The following KIFC3 variants were observed in gnomAD, a reference collection of about 807,000 sequenced individuals.
The protein encoded by KIFC3 is kinesin-like protein KIFC3.
In KIFC3, 60 loss-of-function variants were observed where a neutral mutation model predicts 101.8. That is an observed-to-expected ratio of 0.59 (90% CI 0.48 to 0.73). The LOEUF is 0.73. Ranked by LOEUF, KIFC3 falls within the 30% of genes least tolerant of loss-of-function variation. KIFC3 has a pLI of 0.00. For missense variants in KIFC3, 966 were observed against 1,137.1 expected, an observed-to-expected ratio of 0.85 and a Z score of 2.16; for synonymous variants, 476 against 482.7, an observed-to-expected ratio of 0.99 and a Z score of 0.18.
At chr16:57,773,367 C>T (rs2051543156) in intron 3 of KIFC3, among the ~76,000 whole-genome samples, 1 of 152,196 alleles carries the variant, frequency 6.6e-6, no homozygotes, top group East Asian at 1.9e-4. Context: ...TTTAAGAAGG[C>T]GGCCACCACG....
At chr16:57,855,119 C>CTTTTTT (rs1229988962) in intron 1 of KIFC3, among the ~76,000 whole-genome samples, 7 of 105,064 alleles carry the variant, frequency 6.7e-5, no homozygotes, top group Admixed American at 3.2e-4. Flanking sequence ...CCATTTCTTT[C>CTTTTTT]TTTTTTTTTT....
chr16:57,790,081 T>TCTTTCTTTC (rs1555619718), intron 3 of KIFC3, among the ~76,000 whole-genome samples: 44 of 116,424 alleles, frequency 3.8e-4, no homozygotes, highest in Admixed American at 7.5e-4. Flanking sequence ...TTTCTTTCTT[T>TCTTTCTTTC]TTTTTTTTTT....
chr16:57,797,698 C>CA, intron 2 of KIFC3: 3 of 1,142,574 alleles, frequency 2.6e-6, no homozygotes, highest in Non-Finnish European at 3.2e-6. Flanking sequence ...GCAGCCACTT[C>CA]ACCTACCTTG....
chr16:57,828,000 T>C (rs1460434156), intron 1 of KIFC3, among the ~76,000 whole-genome samples: 2 of 152,228 alleles, frequency 1.3e-5, no homozygotes, highest in Admixed American at 6.5e-5. Context: ...GTGAAGAAAC[T>C]GAGGCACAGA....
At chr16:57,782,327 G>A (rs1470364341) in intron 3 of KIFC3, 1 of 181,620 alleles carries the variant, frequency 5.5e-6, no homozygotes, top group Non-Finnish European at 1.1e-5. Context: ...ATAGAATCCT[G>A]CTCACGGGAT....
intron 3 of KIFC3, among the ~76,000 whole-genome samples, chr16:57,780,577 T>TAAA (rs146565638): frequency 2.1e-5 from 3 of 140,182 alleles, no homozygotes; most frequent in African/African-American, 5.2e-5. Flanking sequence ...TTAAAATGAT[T>TAAA]TAAAAAAAAA....
chr16:57,785,723 A>T, intron 3 of KIFC3: 1 of 1,075,794 alleles, frequency 9.3e-7, no homozygotes, highest in South Asian at 1.6e-5. Flanking sequence ...CTGGCAGAGG[A>T]GGGGGTCCAT....
intron 1 of KIFC3, among the ~76,000 whole-genome samples, chr16:57,847,674 C>T (rs990464591): frequency 2.0e-5 from 3 of 151,630 alleles, no homozygotes; most frequent in Non-Finnish European, 1.5e-5. Flanking sequence ...GATATAAATG[C>T]GTAAGAGAAC....
chr16:57,822,920 G>T (rs2055381307), intron 1 of KIFC3, among the ~76,000 whole-genome samples: 1 of 150,846 alleles, frequency 6.6e-6, no homozygotes, highest in South Asian at 2.1e-4. Flanking sequence ...TGTGATCATT[G>T]TATATTGGTT....
chr16:57,832,321 CTTTTTTTTTTTTTT>C (rs1165977084), intron 1 of KIFC3, among the ~76,000 whole-genome samples: 1 of 73,494 alleles, frequency 1.4e-5, no homozygotes, highest in Admixed American at 1.9e-4. Context: ...GCGCCAGGCC[CTTTTTTTTTTTTTT>C]TTTTTTTTTT....
chr16:57,830,238 T>C (rs1216251304), intron 1 of KIFC3, among the ~76,000 whole-genome samples: 2 of 135,876 alleles, frequency 1.5e-5, no homozygotes, highest in Non-Finnish European at 3.1e-5. Context: ...TTTTCTTTCT[T>C]TTTTTTTTTT....
intron 1 of KIFC3, among the ~76,000 whole-genome samples, chr16:57,808,572 A>T (rs538377887): frequency 3.5e-4 from 53 of 152,180 alleles, no homozygotes; most frequent in Non-Finnish European, 4.0e-4. Context: ...TTCTGCACAA[A>T]TCTAATAGAA....
At chr16:57,787,725 TG>T (rs1360041341) in intron 3 of KIFC3, among the ~76,000 whole-genome samples, 5 of 152,118 alleles carry the variant, frequency 3.3e-5, no homozygotes, top group Non-Finnish European at 7.4e-5. Flanking sequence ...GAGGCTGGCC[TG>T]CCCACACTCA....
chr16:57,794,977 C>T (rs981145560), intron 3 of KIFC3, 22 bp downstream of exon 3: 12 of 1,530,792 alleles, frequency 7.8e-6, no homozygotes, highest in Non-Finnish European at 1.0e-5. Flanking sequence ...GCACATGCAG[C>T]CTGGAAGGCC....
At chr16:57,809,666 A>C (rs2055020025) in intron 1 of KIFC3, among the ~76,000 whole-genome samples, 2 of 152,198 alleles carry the variant, frequency 1.3e-5, no homozygotes, top group African/African-American at 2.4e-5. Flanking sequence ...TTTCATAAAA[A>C]ATCTTTCTGA....
At chr16:57,853,079 T>C (rs2056090849) in intron 1 of KIFC3, among the ~76,000 whole-genome samples, 3 of 152,018 alleles carry the variant, frequency 2.0e-5, no homozygotes, top group Admixed American at 6.6e-5. Flanking sequence ...AAATAAGAAA[T>C]ATAATCAAAA....
chr16:57,803,034 C>T, upstream of KIFC3: 1 of 1,535,894 alleles, frequency 6.5e-7, no homozygotes, highest in Non-Finnish European at 8.7e-7. Flanking sequence ...GTTTACAGCG[C>T]ACACGCTCTC....
intron 1 of KIFC3, among the ~76,000 whole-genome samples, chr16:57,845,787 C>A (rs1233325772): frequency 6.6e-6 from 1 of 152,204 alleles, no homozygotes; most frequent in Non-Finnish European, 1.5e-5. Flanking sequence ...CACCTTCCAA[C>A]AGACAAAATG....
In KIFC3 at chr16:57,783,483, T is replaced by TTTC. The variant is rs2052975703; in HGVS notation, c.316-11196_316-11195insGAA. Among the ~76,000 whole-genome samples, 4 of 149,570 alleles carry TTTC rather than the reference T, an allele frequency of 2.7e-5. No individual in the cohort carries two copies. In the South Asian group the frequency reaches 8.4e-4, roughly 31 times the overall value. ...GCCCATTTTCTTTTCTTTTTTTTTT[T>TTTC]TTTTTTGAGACAGAGTTTCACTCTT... is the stretch of plus-strand genomic sequence containing the variant. On this transcript the variant is annotated intron_variant, in intron 3 of 19. Transcript: ENST00000445690.
Sources: allele counts gnomAD v4.1 joint callset (sites outside exome capture counted in the v4.1 genomes callset), GRCh38; gene constraint gnomAD v4.1.1; transcripts MANE v1.5; gene names NCBI Gene and HGNC (gene_info 2026-07-23, HGNC 2026-07-21).